Variants in LRRC72 observed in about 807,000 individuals in gnomAD.
The protein encoded by LRRC72 is leucine rich repeat containing 72.
Under a neutral mutation model 35.8 loss-of-function variants are expected in LRRC72, and 41 were observed. The observed-to-expected ratio is 1.15, with a 90% CI of 0.89 to 1.49. The LOEUF is 1.49. LRRC72 is among the 40% of genes most tolerant of loss of function. The pLI, the probability that LRRC72 is intolerant of heterozygous loss-of-function variation, is 0.00. For synonymous variants in LRRC72, 118 were observed against 119.2 expected, an observed-to-expected ratio of 0.99 and a Z score of 0.07; for missense variants, 389 against 330.7, an observed-to-expected ratio of 1.18 and a Z score of -1.37.
chr7:16,551,481 A>T (rs897788706), intron 3 of LRRC72, among the ~76,000 whole-genome samples: 2 of 152,166 alleles, frequency 1.3e-5, no homozygotes, highest in African/African-American at 4.8e-5. Flanking sequence ...CTAAGGCAAA[A>T]TTAGAAGGTT....
At chr7:16,528,271 T>A (rs566235751) in intron 1 of LRRC72, among the ~76,000 whole-genome samples, 2 of 152,130 alleles carry the variant, frequency 1.3e-5, no homozygotes, top group African/African-American at 4.8e-5. Context: ...TTCATCGTGA[T>A]CTTCCTTGGA....
chr7:16,561,032 C>T (rs1419692367), intron 5 of LRRC72, among the ~76,000 whole-genome samples: 1 of 152,078 alleles, frequency 6.6e-6, no homozygotes, highest in Non-Finnish European at 1.5e-5. Flanking sequence ...AGTGTTGAAA[C>T]ATAAACTCAT....
chr7:16,578,759 G>A (rs559642919), intron 7 of LRRC72, among the ~76,000 whole-genome samples: 4 of 152,126 alleles, frequency 2.6e-5, no homozygotes, highest in South Asian at 4.2e-4. Flanking sequence ...TAAAGTATGC[G>A]CTTTTTGTAA....
intron 3 of LRRC72, among the ~76,000 whole-genome samples, chr7:16,554,547 G>A (rs748051625): frequency 3.4e-4 from 52 of 152,032 alleles, no homozygotes; most frequent in South Asian, 6.2e-4. Flanking sequence ...TTAGGGAAAC[G>A]CCCTCCTTAT....
chr7:16,579,179 G>T (rs1783097549), intron 7 of LRRC72, among the ~76,000 whole-genome samples: 1 of 152,110 alleles, frequency 6.6e-6, no homozygotes, highest in Admixed American at 6.6e-5. Flanking sequence ...TGAGTGTGAT[G>T]ATTATTTCAC....
At chr7:16,576,542 G>A (rs999314477) in intron 7 of LRRC72, among the ~76,000 whole-genome samples, 3 of 152,112 alleles carry the variant, frequency 2.0e-5, no homozygotes, top group Non-Finnish European at 2.9e-5. Flanking sequence ...TATCAAATAA[G>A]TATGGTTAAA....
chr7:16,527,888 CA>C (rs1224710758), intron 1 of LRRC72, among the ~76,000 whole-genome samples: 2 of 152,014 alleles, frequency 1.3e-5, no homozygotes. Context: ...CATTTTCAAA[CA>C]TTTTTTTCCC....
At chr7:16,556,070 T>C (rs1043896498) in intron 3 of LRRC72, among the ~76,000 whole-genome samples, 2 of 147,682 alleles carry the variant, frequency 1.4e-5, no homozygotes, top group Non-Finnish European at 3.0e-5. Context: ...GAGTCAATAC[T>C]AAAAAAAAAA....
chr7:16,568,445 G>A (rs1474265107), intron 7 of LRRC72, among the ~76,000 whole-genome samples: 2 of 152,150 alleles, frequency 1.3e-5, no homozygotes, highest in Non-Finnish European at 2.9e-5. Flanking sequence ...ATGCTAAATG[G>A]AGAAAGAAAG....
chr7:16,572,844 G>T (rs1782971472), intron 7 of LRRC72, among the ~76,000 whole-genome samples: 1 of 152,120 alleles, frequency 6.6e-6, no homozygotes, highest in African/African-American at 2.4e-5. Context: ...ATTCAAATAG[G>T]AAGAGAGGAA....
At chr7:16,542,909 A>G (rs1380200641) in intron 3 of LRRC72, among the ~76,000 whole-genome samples, 1 of 152,122 alleles carries the variant, frequency 6.6e-6, no homozygotes, top group African/African-American at 2.4e-5. Flanking sequence ...CTATCACTTA[A>G]TTTGTTCTTT....
chr7:16,581,452 C>A lies in LRRC72; in HGVS notation c.827C>A (p.Thr276Lys), dbSNP rs1254890280. Residue 276 changes from threonine (T) to lysine (K), a missense_variant, in exon 9 of 9, where the codon ACA becomes AAA. Physicochemically the swap from Thr to Lys is moderately conservative, Grantham distance 78 (BLOSUM62 -1). Coordinates refer to ENST00000401542, the MANE Select transcript of LRRC72 (RefSeq NM_001195280.2). ...REERYLEEEG[T>K]ETAQMLTVTL... Reference sequence around the variant, plus strand: ...GAAAGGTACCTTGAAGAGGAAGGCACAGAAACAGCTCAAATGCTCACAGTT... The same window carrying A: ...GAAAGGTACCTTGAAGAGGAAGGCAAAGAAACAGCTCAAATGCTCACAGTT... 3 of 1,549,960 alleles carry A rather than the reference C, an allele frequency of 1.9e-6. No individual in the cohort carries two copies. The highest frequency in any genetic ancestry group is 2.6e-6 in the Non-Finnish European group (3 of 1,146,692).
chr7:16,577,890 G>T (rs376952111), intron 7 of LRRC72, among the ~76,000 whole-genome samples: 17 of 152,146 alleles, frequency 1.1e-4, no homozygotes, highest in African/African-American at 4.1e-4. Flanking sequence ...TAAAGATGAG[G>T]GGGGAACGAG....
At chr7:16,575,201 G>A (rs903292660) in intron 7 of LRRC72, among the ~76,000 whole-genome samples, 10 of 152,180 alleles carry the variant, frequency 6.6e-5, no homozygotes, top group African/African-American at 2.4e-4. Context: ...AGGATCTCCT[G>A]AGGGCTGTGT....
At chr7:16,572,408 A>G (rs1316320084) in intron 7 of LRRC72, among the ~76,000 whole-genome samples, 2 of 152,190 alleles carry the variant, frequency 1.3e-5, no homozygotes, top group East Asian at 1.9e-4. Flanking sequence ...TCCTCAATAA[A>G]ATACTGGCAA....
chr7:16,532,615 A>G, intron 2 of LRRC72, 47 bp downstream of exon 2: 1 of 1,341,396 alleles, frequency 7.5e-7, no homozygotes, highest in Non-Finnish European at 1.0e-6. Flanking sequence ...TGTTATCATG[A>G]TCATGTTAAA....
At chr7:16,549,335 G>A (rs980457458) in intron 3 of LRRC72, among the ~76,000 whole-genome samples, 5 of 152,086 alleles carry the variant, frequency 3.3e-5, no homozygotes, top group African/African-American at 7.2e-5. Context: ...ATAATTTATC[G>A]AAAAGATATT....
chr7:16,544,363 T>C (rs540310416), intron 3 of LRRC72, among the ~76,000 whole-genome samples: 6 of 152,316 alleles, frequency 3.9e-5, no homozygotes, highest in South Asian at 4.1e-4. Context: ...GTTCTTTCAT[T>C]ATGCTCTGTG....
chr7:16,550,888 T>C (rs1214164796), intron 3 of LRRC72, among the ~76,000 whole-genome samples: 5 of 152,224 alleles, frequency 3.3e-5, no homozygotes, highest in Admixed American at 2.0e-4. Context: ...AGCTAAGCCA[T>C]GTATTCAGCT....
Sources: allele counts gnomAD v4.1 joint callset (sites outside exome capture counted in the v4.1 genomes callset), GRCh38; gene constraint gnomAD v4.1.1; transcripts MANE v1.5; gene names NCBI Gene and HGNC (gene_info 2026-07-23, HGNC 2026-07-21).